Variants in CRTC3 observed in about 807,000 individuals in gnomAD.
CRTC3 encodes CREB-regulated transcription coactivator 3.
In CRTC3, 26 loss-of-function variants were observed where a neutral mutation model predicts 74.5. The observed-to-expected ratio is 0.35, with a 90% CI of 0.26 to 0.48. The LOEUF is 0.48. Ranked by LOEUF, CRTC3 falls within the 20% of genes least tolerant of loss-of-function variation. The pLI is 0.99. For synonymous variants in CRTC3, 377 were observed against 325.8 expected, an observed-to-expected ratio of 1.16 and a Z score of -1.69; for missense variants, 760 against 787.3, an observed-to-expected ratio of 0.97 and a Z score of 0.41.
chr15:90,606,429 A>T (rs1406887472), intron 5 of CRTC3, among the ~76,000 whole-genome samples: 2 of 151,880 alleles, frequency 1.3e-5, no homozygotes, highest in Non-Finnish European at 2.9e-5. Flanking sequence ...GGGCATGGTG[A>T]CGCACGTCTA....
chr15:90,548,166 G>C (rs1175210068), intron 2 of CRTC3, among the ~76,000 whole-genome samples: 1 of 67,126 alleles, frequency 1.5e-5, no homozygotes, highest in African/African-American at 3.6e-5. Flanking sequence ...TAGGATTACA[G>C]GTGTGAGCCA....
At chr15:90,628,251 A>T (rs1968912282) in intron 10 of CRTC3, among the ~76,000 whole-genome samples, 1 of 151,906 alleles carries the variant, frequency 6.6e-6, no homozygotes, top group African/African-American at 2.4e-5. Context: ...GATAATAATA[A>T]TTTTGCCAGC....
chr15:90,642,392 AC>A lies in CRTC3; in HGVS notation c.*253del. On this transcript the variant is annotated 3_prime_UTR_variant, in exon 15 of 15. Coordinates refer to ENST00000268184, the MANE Select transcript of CRTC3 (RefSeq NM_022769.5). ...GCAGGCTGCTTGGAGCTTCCCATGA[AC>A]TGGAAAGCTCACCTCCACTGCATCT... The A allele has an allele frequency of 1.9e-6, 1 of 534,774 alleles. No individual in the cohort carries two copies. The highest frequency in any genetic ancestry group is 3.4e-6 in the Non-Finnish European group (1 of 295,968). 33.1% of individuals were successfully genotyped at this position (534,774 alleles called of 1,614,324 possible).
intron 2 of CRTC3, among the ~76,000 whole-genome samples, chr15:90,582,721 G>A (rs79714437): frequency 7.2e-5 from 11 of 152,226 alleles, no homozygotes; most frequent in African/African-American, 2.6e-4. Flanking sequence ...AATCCCCTGG[G>A]GGTACACATT....
intron 2 of CRTC3, among the ~76,000 whole-genome samples, chr15:90,562,590 T>C (rs748441110): frequency 1.3e-5 from 2 of 152,168 alleles, no homozygotes; most frequent in Non-Finnish European, 2.9e-5. Flanking sequence ...AGTACCACTT[T>C]TGTTTGGTTT....
chr15:90,641,041 C>A, intron 13 of CRTC3, 56 bp from the exon 14 acceptor site: 1 of 1,158,606 alleles, frequency 8.6e-7, no homozygotes, highest in Non-Finnish European at 1.3e-6. Context: ...GCAATACTCA[C>A]TTCCTCCTTG....
chr15:90,624,279 T>A (rs926938566), intron 9 of CRTC3, among the ~76,000 whole-genome samples: 2 of 152,072 alleles, frequency 1.3e-5, no homozygotes, highest in African/African-American at 4.8e-5. Flanking sequence ...CCTGGACCAC[T>A]GCAGGTGGTC....
intron 2 of CRTC3, among the ~76,000 whole-genome samples, chr15:90,548,409 G>C (rs1318525231): frequency 6.6e-6 from 1 of 152,202 alleles, no homozygotes; most frequent in Admixed American, 6.5e-5. Context: ...GGTCCAGCAA[G>C]GTGGTTTTCC....
At chr15:90,543,163 G>A (rs1445111732) in intron 2 of CRTC3, among the ~76,000 whole-genome samples, 1 of 151,124 alleles carries the variant, frequency 6.6e-6, no homozygotes, top group African/African-American at 2.4e-5. Flanking sequence ...CAGATGTGGT[G>A]GTGCACGCCT....
At chr15:90,589,474 G>A (rs1027683723) in intron 2 of CRTC3, among the ~76,000 whole-genome samples, 3 of 151,786 alleles carry the variant, frequency 2.0e-5, no homozygotes, top group African/African-American at 7.3e-5. Context: ...CCTCAACCTC[G>A]GCCTCCTGAG....
chr15:90,545,639 C>T (rs1023569426), intron 2 of CRTC3, among the ~76,000 whole-genome samples: 27 of 151,144 alleles, frequency 1.8e-4, no homozygotes, highest in African/African-American at 4.6e-4. Flanking sequence ...TGCAGTGGCA[C>T]GATCTCGGCT....
chr15:90,607,519 T>A, intron 6 of CRTC3, 41 bp downstream of exon 6: 2 of 1,275,128 alleles, frequency 1.6e-6, no homozygotes, highest in Non-Finnish European at 2.3e-6. Flanking sequence ...CTGTGCTTGC[T>A]CATTCTGTCC....
intron 2 of CRTC3, among the ~76,000 whole-genome samples, chr15:90,588,697 G>A (rs1967725676): frequency 6.6e-6 from 1 of 151,976 alleles, no homozygotes; most frequent in Admixed American, 6.6e-5. Context: ...TAGGACCGTT[G>A]GGGAGCACCG....
chr15:90,556,957 GCT>G (rs1966901543), intron 2 of CRTC3, among the ~76,000 whole-genome samples: 1 of 89,680 alleles, frequency 1.1e-5, no homozygotes, highest in Admixed American at 1.3e-4. Flanking sequence ...TCACCACATG[GCT>G]ATATATATAT....
At chr15:90,538,016 G>A (rs1373968228) in intron 1 of CRTC3, among the ~76,000 whole-genome samples, 2 of 152,196 alleles carry the variant, frequency 1.3e-5, no homozygotes, top group African/African-American at 4.8e-5. Context: ...AACTTAGTTT[G>A]GTTGAAGTGT....
chr15:90,638,049 T>C (rs1969303176), intron 11 of CRTC3: 1 of 182,280 alleles, frequency 5.5e-6, no homozygotes, highest in African/African-American at 2.4e-5. Context: ...TGCTTATTGC[T>C]TGTTAATGTT....
intron 8 of CRTC3, among the ~76,000 whole-genome samples, chr15:90,619,268 C>CCAACATGGTGTT (rs1236600760): frequency 6.6e-6 from 1 of 152,146 alleles, no homozygotes; most frequent in Admixed American, 6.5e-5. Context: ...ACCAGCCTGG[C>CCAACATGGTGTT]CAACATGGTG....
intron 2 of CRTC3, among the ~76,000 whole-genome samples, chr15:90,548,064 A>AT (rs771865183): frequency 5.4e-4 from 82 of 151,554 alleles, no homozygotes; most frequent in Middle Eastern, 3.4e-3. Flanking sequence ...CAGTTTTTGT[A>AT]TTTTTGTAGA....
chr15:90,574,527 A>T (rs541208919), intron 2 of CRTC3, among the ~76,000 whole-genome samples: 1 of 152,310 alleles, frequency 6.6e-6, no homozygotes, highest in South Asian at 2.1e-4. Flanking sequence ...CATTATGCAC[A>T]TACAGTTTCA....
Sources: allele counts gnomAD v4.1 joint callset (sites outside exome capture counted in the v4.1 genomes callset), GRCh38; gene constraint gnomAD v4.1.1; transcripts MANE v1.5; gene names NCBI Gene and HGNC (gene_info 2026-07-23, HGNC 2026-07-21).